The following JMY variants were observed in gnomAD, a reference collection of about 807,000 sequenced individuals.
The protein encoded by JMY is junction-mediating and -regulatory protein.
A neutral mutation model predicts 103.3 loss-of-function variants in JMY; 46 were observed. The ratio of observed to expected loss-of-function variants is 0.45; its 90% confidence interval spans 0.35 to 0.57. The LOEUF (loss-of-function observed/expected upper bound fraction) is 0.57, where lower values mean the gene tolerates loss of function less well. JMY is among the 20% of genes least tolerant of loss of function. The pLI, the probability that JMY is intolerant of heterozygous loss-of-function variation, is 0.00. For synonymous variants in JMY, 526 were observed against 489.3 expected, an observed-to-expected ratio of 1.07 and a Z score of -0.99; for missense variants, 1,238 against 1,255.2, an observed-to-expected ratio of 0.99 and a Z score of 0.21.
intron 8 of JMY, among the ~76,000 whole-genome samples, chr5:79,313,435 AC>A (rs1252382563): frequency 1.3e-5 from 2 of 152,022 alleles, no homozygotes; most frequent in East Asian, 1.9e-4. Context: ...AAACAAACAA[AC>A]AAAAGGTCTT....
chr5:79,286,055 C>G (rs897911045), intron 2 of JMY, among the ~76,000 whole-genome samples: 11 of 152,150 alleles, frequency 7.2e-5, no homozygotes, highest in East Asian at 1.9e-4. Context: ...TCCATCTAAC[C>G]AGTGCTGCAC....
In JMY at chr5:79,236,927, A is replaced by C. The variant is rs1352261506; in HGVS notation, c.277A>C (p.Thr93Pro). Residue 93 changes from threonine (T) to proline (P), a missense_variant, in exon 1 of 11, where the codon ACT (threonine) becomes CCT (proline). Transcript: ENST00000396137. The part of the protein sequence containing the change: ...SPAGRGRPEA[T>P]ASATLVRSPG... Reference sequence around the variant, plus strand: ...GGCGGGCAGGGGTCGGCCCGAGGCCACTGCCTCTGCAACTCTGGTTAGGAG... The same window carrying C: ...GGCGGGCAGGGGTCGGCCCGAGGCCCCTGCCTCTGCAACTCTGGTTAGGAG... 6 of 1,396,064 alleles carry C rather than the reference A, an allele frequency of 4.3e-6. No homozygotes were observed. The East Asian group carries it at 1.7e-4, about 40-fold the overall frequency. The allele number at this position is 1,396,064 out of a possible 1,614,324, so 86.5% of individuals were successfully genotyped here. A position where few individuals can be genotyped will look rare whatever the true frequency, so the allele number is the denominator to read the frequency against.
Position 79,236,599 on chromosome 5 carries a change from T to G in JMY, c.-52T>G, listed in dbSNP as rs1426381634. On this transcript the variant is annotated 5_prime_UTR_variant, in exon 1 of 11. Coordinates refer to ENST00000396137, the MANE Select transcript of JMY (RefSeq NM_152405.5). ...GCGCGGCGCAGCCAGCGGGGAGTCC[T>G]CGGGCGGGCCGGGCCGGCGGCCCTT... The G allele has an allele frequency of 7.6e-7, 1 of 1,318,938 alleles. No individual in the cohort carries two copies. 81.7% of individuals were successfully genotyped at this position (1,318,938 alleles called of 1,614,324 possible). A position where few individuals can be genotyped will look rare whatever the true frequency, so the allele number is the denominator to read the frequency against.
intron 2 of JMY, among the ~76,000 whole-genome samples, chr5:79,287,895 T>G (rs1292676467): frequency 6.6e-6 from 1 of 152,252 alleles, no homozygotes; most frequent in Non-Finnish European, 1.5e-5. Flanking sequence ...AGAACTTCTA[T>G]TATAATATCC....
intron 1 of JMY, among the ~76,000 whole-genome samples, chr5:79,262,406 G>A (rs1745452112): frequency 6.6e-6 from 1 of 152,062 alleles, no homozygotes; most frequent in Admixed American, 6.6e-5. Context: ...CCTGGACTTT[G>A]TCAGTTTTTA....
chr5:79,262,702 A>G (rs545000313), intron 1 of JMY, among the ~76,000 whole-genome samples: 1 of 152,372 alleles, frequency 6.6e-6, no homozygotes, highest in Admixed American at 6.5e-5. Context: ...GCAGATTAAT[A>G]AATTAGCAGT....
rs78812507 is a variant in JMY at position 79,283,969 on chromosome 5, G to A, written c.1206+5886G>A. 8.9e-3 allele frequency among the ~76,000 whole-genome samples: 1,354 copies of A among 152,220 alleles called. 10 individuals carry two copies. The highest frequency in any genetic ancestry group is 0.034 in the Middle Eastern group (10 of 294). ...AACAGCATTAAAAAGTGCAAAAAGC[G>A]TGTTTGTATTCTTTGTATTTGTAGC... is the stretch of plus-strand genomic sequence containing the variant. On this transcript the variant is annotated intron_variant, in intron 2 of 10. Coordinates refer to ENST00000396137, the MANE Select transcript of JMY (RefSeq NM_152405.5).
At position 79,325,077 on chromosome 5, in the gene JMY, C is replaced by T. The variant is rs527797764; in HGVS notation, c.*3475C>T. 1 of 151,916 alleles carries T rather than the reference C, an allele frequency of 6.6e-6. No homozygotes were observed. Among genetic ancestry groups the T allele is most frequent in the South Asian group, 2.1e-4 (1 of 4,822 alleles). The allele number at this position is 151,916 out of a possible 1,614,324, so 9.4% of individuals were successfully genotyped here. The stretch of plus-strand genomic sequence containing the variant: ...AACAAAAACTAATGGGCAGCATTCT[C>T]TCTGTTTGGAATGGGATCAGTATAC... On this transcript the variant is annotated 3_prime_UTR_variant, in exon 11 of 11. Transcript: ENST00000396137.
chr5:79,292,283 A>G (rs923833731), intron 4 of JMY, among the ~76,000 whole-genome samples: 3 of 151,994 alleles, frequency 2.0e-5, no homozygotes, highest in Non-Finnish European at 4.4e-5. Flanking sequence ...TTTAAACTTA[A>G]GTCCCTCTTT....
chr5:79,237,066 G>T lies in JMY; in HGVS notation c.416G>T (p.Arg139Leu). ...CCTGGCAGCAAAGGGGCGGAGAGTC[G>T]TCTTAGGAGCCCAGTGCGGGCCAAA... Reference protein sequence around the residue: ...RSPGSKGAESRLRSPVRAKPI... With the variant: ...RSPGSKGAESLLRSPVRAKPI... Residue 139 changes from arginine to leucine, a missense_variant, in exon 1 of 11, where the codon CGT (arginine) becomes CTT (leucine). By Grantham distance (102) the Arg-to-Leu change is moderately radical. Transcript: ENST00000396137. The T allele has an allele frequency of 2.0e-6, 3 of 1,535,852 alleles. No homozygotes were observed. The highest frequency in any genetic ancestry group is 2.6e-6 in the Non-Finnish European group (3 of 1,137,428).
At chr5:79,274,259 C>T (rs1262410327) in intron 1 of JMY, among the ~76,000 whole-genome samples, 1 of 152,070 alleles carries the variant, frequency 6.6e-6, no homozygotes, top group Non-Finnish European at 1.5e-5. Flanking sequence ...TTTGAGATTT[C>T]CTGTTTATTC....
At chr5:79,281,929 G>A (rs1746128365) in intron 2 of JMY, among the ~76,000 whole-genome samples, 1 of 152,222 alleles carries the variant, frequency 6.6e-6, no homozygotes, top group Non-Finnish European at 1.5e-5. Flanking sequence ...TTCTAGGCCA[G>A]GTGTAGTGGC....
chr5:79,259,903 G>T (rs559270163), intron 1 of JMY, among the ~76,000 whole-genome samples: 4 of 152,216 alleles, frequency 2.6e-5, no homozygotes, highest in East Asian at 3.9e-4. Flanking sequence ...ACCCCTGGGA[G>T]GGTGGGAATC....
chr5:79,311,291 T>C (rs556032051), intron 7 of JMY, among the ~76,000 whole-genome samples: 1 of 152,210 alleles, frequency 6.6e-6, no homozygotes, highest in Non-Finnish European at 1.5e-5. Context: ...TGGCTTTATT[T>C]TCCAGTTTCC....
chr5:79,320,372 C>G (rs545727837), intron 10 of JMY, among the ~76,000 whole-genome samples: 33 of 150,542 alleles, frequency 2.2e-4, no homozygotes, highest in Admixed American at 2.0e-3. Context: ...TGGAGTCTCA[C>G]TGTGTCAGCC....
At chr5:79,247,657 T>C (rs1744944082) in intron 1 of JMY, among the ~76,000 whole-genome samples, 1 of 151,578 alleles carries the variant, frequency 6.6e-6, no homozygotes, top group African/African-American at 2.4e-5. Context: ...TGTTTATTTA[T>C]TTATTTATTT....
At chr5:79,318,463 C>T (rs1376027790) in intron 10 of JMY, among the ~76,000 whole-genome samples, 1 of 152,110 alleles carries the variant, frequency 6.6e-6, no homozygotes, top group Non-Finnish European at 1.5e-5. Flanking sequence ...TAAAATATTA[C>T]TGAAAGCAGT....
intron 1 of JMY, among the ~76,000 whole-genome samples, chr5:79,241,397 G>T (rs1486072278): frequency 6.6e-6 from 1 of 152,214 alleles, no homozygotes; most frequent in Non-Finnish European, 1.5e-5. Context: ...TCCTTTTAAT[G>T]TGAAGTTGTA....
intron 4 of JMY, among the ~76,000 whole-genome samples, chr5:79,296,545 G>C (rs1015517972): frequency 6.6e-6 from 1 of 152,190 alleles, no homozygotes; most frequent in South Asian, 2.1e-4. Context: ...GCAGTGGCAC[G>C]ATCATAGCTC....
Sources: gnomAD v4.1 joint callset for allele counts (sites outside exome capture counted in the v4.1 genomes callset) on GRCh38, gnomAD v4.1.1 for gene constraint, MANE v1.5 for transcripts, NCBI Gene and HGNC (gene_info 2026-07-23, HGNC 2026-07-21) for gene names.